The following NRP2 variants were observed in gnomAD, a reference collection of about 807,000 sequenced individuals.
NRP2 encodes neuropilin-2.
A neutral mutation model predicts 110.4 loss-of-function variants in NRP2; 52 were observed. The ratio of observed to expected loss-of-function variants is 0.47; its 90% confidence interval spans 0.38 to 0.59. The LOEUF is 0.59. NRP2 is among the 20% of genes least tolerant of loss of function. The pLI, the probability that NRP2 is intolerant of heterozygous loss-of-function variation, is 0.00. For missense variants in NRP2, 1,049 were observed against 1,203.0 expected (o/e 0.87, Z 1.89); for synonymous variants, 508 against 468.9 (o/e 1.08, Z -1.08).
chr2:205,713,117 TG>T (rs1414024946), intron 2 of NRP2, among the ~76,000 whole-genome samples: 1 of 152,136 alleles, frequency 6.6e-6, no homozygotes, highest in Non-Finnish European at 1.5e-5. Flanking sequence ...CAGTGGCATT[TG>T]TTGGGCAGCC....
intron 2 of NRP2, among the ~76,000 whole-genome samples, chr2:205,705,883 CCTTTT>C (rs1474674909): frequency 6.6e-6 from 1 of 152,024 alleles, no homozygotes; most frequent in Non-Finnish European, 1.5e-5. Context: ...CCTTGACAAG[CCTTTT>C]CTTTTCCTTT....
intron 14 of NRP2, chr2:205,765,798 T>C: frequency 3.0e-6 from 2 of 666,952 alleles, no homozygotes; most frequent in Non-Finnish European, 5.6e-6. Flanking sequence ...CAATCAGAAA[T>C]AGACATGCAC....
intron 7 of NRP2, among the ~76,000 whole-genome samples, chr2:205,730,292 A>G (rs971275561): frequency 3.4e-5 from 5 of 146,452 alleles, no homozygotes; most frequent in Middle Eastern, 3.4e-3. Context: ...TTGGGGTTGA[A>G]GTAGTTGAGT....
chr2:205,722,743 G>A, intron 4 of NRP2, 35 bp downstream of exon 4: 1 of 1,571,324 alleles, frequency 6.4e-7, no homozygotes, highest in Non-Finnish European at 8.8e-7. Context: ...TCAGTAGCTT[G>A]GCCTTTGCCT....
chr2:205,709,641 G>A (rs183922456), intron 2 of NRP2, among the ~76,000 whole-genome samples: 10 of 152,270 alleles, frequency 6.6e-5, no homozygotes, highest in East Asian at 1.9e-4. Context: ...GTATGTTTCC[G>A]TTAACAGTAA....
rs367858150 is a variant in NRP2, at chr2:205,740,434, C to G, written c.1147-85C>G. 2.2e-5 allele frequency: 33 copies of G among 1,468,072 alleles called. 3 individuals are homozygous for G. The African/African-American group carries it at 3.3e-4, about 15-fold the overall frequency. 90.9% of individuals were successfully genotyped at this position (1,468,072 alleles called of 1,614,324 possible). A position where few individuals can be genotyped will look rare whatever the true frequency, so the allele number is the denominator to read the frequency against. The stretch of plus-strand genomic sequence containing the variant: ...TTGAGGGAAAGAAAATTTGACAGAA[C>G]TTTCCCATCCCCTTCAAAGACTGCT... On this transcript the variant is annotated intron_variant, in intron 7 of 16. Coordinates refer to ENST00000357785, the MANE Select transcript of NRP2 (RefSeq NM_003872.3).
chr2:205,723,707 G>A (rs971169917), intron 4 of NRP2, 78 bp from the exon 5 acceptor site: 8 of 1,442,778 alleles, frequency 5.5e-6, no homozygotes, highest in Non-Finnish European at 7.7e-6. Flanking sequence ...GAAATGCAAT[G>A]AGGGGAAGGG....
At chr2:205,766,827 A>G in intron 15 of NRP2, 24 bp downstream of exon 15, 1 of 1,609,840 alleles carries the variant, frequency 6.2e-7, no homozygotes, top group Non-Finnish European at 8.5e-7. Context: ...AGGTAAAAAA[A>G]AATTTTTTTT....
chr2:205,694,662 G>A (rs1032135576), intron 1 of NRP2, among the ~76,000 whole-genome samples: 4 of 152,170 alleles, frequency 2.6e-5, no homozygotes, highest in African/African-American at 7.2e-5. Flanking sequence ...CAGCAACCAT[G>A]TATAAAGTTC....
chr2:205,778,710 CTGA>C, intron 15 of NRP2: 1 of 152,198 alleles, frequency 6.6e-6, no homozygotes. Flanking sequence ...ACCATATACC[CTGA>C]TGATTCCCCT....
At chr2:205,786,953 G>A (rs944447084) in intron 15 of NRP2, among the ~76,000 whole-genome samples, 5 of 152,148 alleles carry the variant, frequency 3.3e-5, no homozygotes, top group African/African-American at 1.2e-4. Context: ...CAGAGTTAGG[G>A]TGAAGAATGG....
At position 205,725,373 on chromosome 2, in the gene NRP2, G is replaced by C. The variant is rs1442820879; in HGVS notation, c.821-540G>C. ...ATTTGTCCAGACAGGTGGTGCGGGGGAATAGAGAGTGACATGCATGTGCTC... is the reference window on the plus strand; with the variant it reads ...ATTTGTCCAGACAGGTGGTGCGGGGCAATAGAGAGTGACATGCATGTGCTC... On this transcript the variant is annotated intron_variant, in intron 5 of 16. Transcript: ENST00000357785. The surrounding 1 kb of genome is among the most constrained non-coding windows in gnomAD (Gnocchi z 4.1). 6.6e-6 allele frequency among the ~76,000 whole-genome samples: 1 copy of C among 152,140 alleles called. No individual in the cohort carries two copies. Among genetic ancestry groups the C allele is most frequent in the Admixed American group, 6.5e-5 (1 of 15,288 alleles).
rs886826302 is a variant in NRP2, at chr2:205,763,409, A to G, written c.2045-265A>G. Among the ~76,000 whole-genome samples, 9 of 152,170 alleles carry G rather than the reference A, an allele frequency of 5.9e-5. No homozygotes were observed. The highest frequency in any genetic ancestry group is 1.3e-4 in the Non-Finnish European group (9 of 68,028). On this transcript the variant is annotated intron_variant, in intron 12 of 16. Coordinates refer to ENST00000357785, the MANE Select transcript of NRP2 (RefSeq NM_003872.3). This position sits in a 1 kb window ranked among gnomAD's most constrained non-coding sequence, Gnocchi z 4.0. Reference sequence around the variant, plus strand: ...ATAAGGCAGCTGTGCCGGGTGCTCCATGTGAAAGAGATGGAAAGGAAATGA... The same window carrying G: ...ATAAGGCAGCTGTGCCGGGTGCTCCGTGTGAAAGAGATGGAAAGGAAATGA...
In NRP2 at chr2:205,692,433, T is replaced by A. The variant is rs978969154; in HGVS notation, c.74-5111T>A. ...ACAGAAATAATTCTTAAAACGCAGCTTATCCCGGGTTGGTGAGCAAAATTT... is the reference window on the plus strand; with the variant it reads ...ACAGAAATAATTCTTAAAACGCAGCATATCCCGGGTTGGTGAGCAAAATTT... On this transcript the variant is annotated intron_variant, in intron 1 of 16. Coordinates refer to ENST00000357785, the MANE Select transcript of NRP2 (RefSeq NM_003872.3). 2.0e-5 allele frequency among the ~76,000 whole-genome samples: 3 copies of A among 152,206 alleles called. No individual in the cohort carries two copies. In the East Asian group the frequency reaches 5.8e-4, roughly 29 times the overall value.
chr2:205,722,820 G>A (rs2057048488), intron 4 of NRP2, 112 bp downstream of exon 4: 3 of 806,456 alleles, frequency 3.7e-6, no homozygotes, highest in Middle Eastern at 2.8e-4. Flanking sequence ...GTTCTTATAT[G>A]ACCCATGGTG....
intron 15 of NRP2, among the ~76,000 whole-genome samples, chr2:205,788,023 A>C (rs1039242775): frequency 3.9e-5 from 6 of 152,070 alleles, no homozygotes; most frequent in Non-Finnish European, 7.4e-5. Flanking sequence ...ACACTAGAGA[A>C]TATTTGACTC....
intron 2 of NRP2, among the ~76,000 whole-genome samples, chr2:205,712,528 A>C (rs2056819447): frequency 6.6e-6 from 1 of 152,168 alleles, no homozygotes; most frequent in Non-Finnish European, 1.5e-5. Context: ...AAAGCCAGAA[A>C]CTTCCTAAGC....
rs767371523 is a variant in NRP2, at chr2:205,766,797, T to G, written c.2419T>G (p.Phe807Val). The change falls in exon 15 of 17, where the codon TTT (phenylalanine) becomes GTT (valine). Residue 807 changes from phenylalanine to valine, a missense_variant. Physicochemically the swap from Phe to Val is conservative, Grantham distance 50. Transcript: ENST00000357785. ...GTTTTTTTCAGAACCCATCTCGGCT[T>G]TTGCAGGTGAGAATTTTAAAGGTAA... ...LENCMEPISAFAVDIPEIHER... is the reference protein window; with the variant it reads ...LENCMEPISAVAVDIPEIHER... 3.1e-6 allele frequency: 5 copies of G among 1,613,048 alleles called. No homozygotes were observed. In the Admixed American group the frequency reaches 6.7e-5, roughly 22 times the overall value.
intron 9 of NRP2, among the ~76,000 whole-genome samples, chr2:205,744,830 A>G (rs1476066448): frequency 6.6e-6 from 1 of 152,194 alleles, no homozygotes; most frequent in African/African-American, 2.4e-5. Context: ...GGTAACTGGA[A>G]CCTTGCATCG....
Sources: allele counts gnomAD v4.1 joint callset (sites outside exome capture counted in the v4.1 genomes callset), GRCh38; gene constraint gnomAD v4.1.1; non-coding constraint Gnocchi (gnomAD v3.1); transcripts MANE v1.5; gene names NCBI Gene and HGNC (gene_info 2026-07-23, HGNC 2026-07-21).